The following CACNA1D variants were observed in gnomAD, a reference collection of about 807,000 sequenced individuals.
The protein encoded by CACNA1D is calcium voltage-gated channel subunit alpha1 D, also known as voltage-dependent L-type calcium channel subunit alpha-1D.
Under a neutral mutation model 257.1 loss-of-function variants are expected in CACNA1D, and 55 were observed. The ratio of observed to expected loss-of-function variants is 0.21; its 90% CI spans 0.17 to 0.27. The LOEUF (loss-of-function observed/expected upper bound fraction) is 0.27. Ranked by LOEUF, CACNA1D falls within the 10% of genes least tolerant of loss-of-function variation. The probability of loss-of-function intolerance (pLI) is 1.00; values close to 1 mark genes in which losing one functional copy is unlikely to be tolerated. For synonymous variants in CACNA1D, 980 were observed against 1,014.9 expected (o/e 0.97, Z 0.65); for missense variants, 1,876 against 2,784.0 (o/e 0.67, Z 7.34).
At chr3:53,575,023 C>T (rs1040161326) in intron 3 of CACNA1D, among the ~76,000 whole-genome samples, 8 of 152,188 alleles carry the variant, frequency 5.3e-5, no homozygotes, top group Admixed American at 4.6e-4. Context: ...TCTAAGTGTT[C>T]GAGGTCTTCT....
intron 3 of CACNA1D, among the ~76,000 whole-genome samples, chr3:53,594,863 G>T (rs2093351515): frequency 1.3e-5 from 2 of 152,226 alleles, no homozygotes; most frequent in Non-Finnish European, 2.9e-5. Flanking sequence ...GTGAAGATTT[G>T]TGATCAGAGC....
At chr3:53,766,215 T>C (rs906362684) in intron 30 of CACNA1D, 7 of 152,316 alleles carry the variant, frequency 4.6e-5, no homozygotes, top group African/African-American at 1.7e-4. Flanking sequence ...ACCAGGTGGC[T>C]GACAGTCTCA....
intron 2 of CACNA1D, among the ~76,000 whole-genome samples, chr3:53,498,748 T>C (rs1236524720): frequency 6.6e-6 from 1 of 152,196 alleles, no homozygotes; most frequent in Non-Finnish European, 1.5e-5. Context: ...TCTGTGCTAA[T>C]GGACAGGAGT....
At chr3:53,805,235 G>A (rs925659753) in intron 45 of CACNA1D, 89 bp downstream of exon 45, 3 of 1,271,336 alleles carry the variant, frequency 2.4e-6, no homozygotes, top group Admixed American at 1.7e-5. Flanking sequence ...GGTGATGGAT[G>A]TGTGCTGCCA....
At chr3:53,692,919 A>G (rs568560274) in intron 8 of CACNA1D, among the ~76,000 whole-genome samples, 4 of 152,180 alleles carry the variant, frequency 2.6e-5, no homozygotes, top group Non-Finnish European at 5.9e-5. Context: ...TTAGCTGGAC[A>G]TGGTGGCGCA....
chr3:53,523,350 C>T (rs1409184293), intron 3 of CACNA1D, among the ~76,000 whole-genome samples: 1 of 152,216 alleles, frequency 6.6e-6, no homozygotes, highest in Non-Finnish European at 1.5e-5. Context: ...AATCTCAAAA[C>T]TGCTCTATGT....
intron 19 of CACNA1D, among the ~76,000 whole-genome samples, chr3:53,733,387 T>A (rs1359627944): frequency 1.3e-5 from 2 of 152,360 alleles, no homozygotes; most frequent in East Asian, 3.9e-4. Flanking sequence ...GATGAGAATT[T>A]TTGTGACCAA....
intron 11 of CACNA1D, among the ~76,000 whole-genome samples, chr3:53,721,391 C>T (rs1025330659): frequency 2.6e-5 from 4 of 152,174 alleles, no homozygotes; most frequent in East Asian, 1.9e-4. Context: ...ACCCCATTGT[C>T]GTTAGTGAGG....
rs2095601708 is a variant in CACNA1D at position 53,811,745 on chromosome 3, C to G, written c.*339C>G. On this transcript the variant is annotated 3_prime_UTR_variant, in exon 48 of 48. Transcript: ENST00000350061. This position sits in a 1 kb window ranked among gnomAD's most constrained non-coding sequence, Gnocchi z 4.2. The stretch of plus-strand genomic sequence containing the variant: ...TCTGCTTCTCCCATGTACCAGGGCA[C>G]CAGGCCCACCCAACTGAAGGCATGG... The G allele has an allele frequency of 5.0e-6, 1 of 201,258 alleles. No individual in the cohort carries two copies. Among genetic ancestry groups the G allele is most frequent in the Non-Finnish European group, 1.0e-5 (1 of 100,008 alleles). 12.5% of individuals were successfully genotyped at this position (201,258 alleles called of 1,614,324 possible). A position where few individuals can be genotyped will look rare whatever the true frequency, so the allele number is the denominator to read the frequency against.
intron 3 of CACNA1D, among the ~76,000 whole-genome samples, chr3:53,523,443 C>G (rs139851024): frequency 6.6e-6 from 1 of 152,348 alleles, no homozygotes; most frequent in East Asian, 1.9e-4. Context: ...AGAAATGAGT[C>G]TGGGGACTAT....
chr3:53,700,133 T>G (rs984669522), intron 8 of CACNA1D, among the ~76,000 whole-genome samples: 2 of 149,712 alleles, frequency 1.3e-5, no homozygotes, highest in Admixed American at 1.3e-4. Context: ...ATGTATATAA[T>G]GTATGTAATT....
At chr3:53,588,265 CAG>C (rs2093251213) in intron 3 of CACNA1D, among the ~76,000 whole-genome samples, 1 of 152,200 alleles carries the variant, frequency 6.6e-6, no homozygotes, top group African/African-American at 2.4e-5. Flanking sequence ...ACTGGAGTCT[CAG>C]GGGCAAGCTC....
chr3:53,803,150 G>T (rs1405510021), intron 43 of CACNA1D, among the ~76,000 whole-genome samples: 1 of 152,038 alleles, frequency 6.6e-6, no homozygotes, highest in Non-Finnish European at 1.5e-5. Flanking sequence ...CTATTCCTTT[G>T]GCTCCAAGGC....
chr3:53,666,645 A>T, intron 7 of CACNA1D, 110 bp downstream of exon 7: 1 of 893,634 alleles, frequency 1.1e-6, no homozygotes, highest in South Asian at 1.3e-5. Context: ...GAAGTCAGTT[A>T]TTTGGGAAGG....
chr3:53,684,385 G>T (rs1194889330), intron 8 of CACNA1D, among the ~76,000 whole-genome samples: 1 of 152,164 alleles, frequency 6.6e-6, no homozygotes, highest in Non-Finnish European at 1.5e-5. Context: ...ACTTTGGGAG[G>T]CTGAGGCAGG....
Position 53,800,587 on chromosome 3 carries a change from C to G in CACNA1D, c.5040+222C>G, listed in dbSNP as rs1000894618. ...CTCTTTCCCTGAGCTTACCCAGCTTCCCCTCACTGCCTGCTTCTGAGGAGC... is the reference window on the plus strand; with the variant it reads ...CTCTTTCCCTGAGCTTACCCAGCTTGCCCTCACTGCCTGCTTCTGAGGAGC... On this transcript the variant is annotated intron_variant, in intron 41 of 47. Coordinates refer to ENST00000350061, the MANE Select transcript of CACNA1D (RefSeq NM_001128840.3). This position sits in a 1 kb window ranked among gnomAD's most constrained non-coding sequence, Gnocchi z 4.3. The G allele has an allele frequency of 2.8e-5, 17 of 605,016 alleles. No individual in the cohort carries two copies. Among genetic ancestry groups the G allele is most frequent in the Middle Eastern group, 3.8e-4 (1 of 2,598 alleles). 37.5% of individuals were successfully genotyped at this position (605,016 alleles called of 1,614,324 possible).
At chr3:53,597,283 A>G (rs763586498) in intron 3 of CACNA1D, among the ~76,000 whole-genome samples, 90 of 152,240 alleles carry the variant, frequency 5.9e-4, no homozygotes, top group Non-Finnish European at 9.6e-4. Context: ...ATAATTGCTA[A>G]GTGAATCATC....
chr3:53,572,594 T>C (rs2092967748), intron 3 of CACNA1D, among the ~76,000 whole-genome samples: 1 of 152,042 alleles, frequency 6.6e-6, no homozygotes, highest in Non-Finnish European at 1.5e-5. Context: ...GAGACAAGGC[T>C]TCACCGTGTT....
intron 3 of CACNA1D, among the ~76,000 whole-genome samples, chr3:53,504,280 T>C (rs2090730459): frequency 7.5e-6 from 1 of 132,600 alleles, no homozygotes; most frequent in South Asian, 2.3e-4. Flanking sequence ...ATGGGAAAGA[T>C]GCAGTTGAGC....
Sources: gnomAD v4.1 joint callset for allele counts (sites outside exome capture counted in the v4.1 genomes callset) on GRCh38, gnomAD v4.1.1 for gene constraint, Gnocchi (gnomAD v3.1) non-coding constraint, MANE v1.5 for transcripts, NCBI Gene and HGNC (gene_info 2026-07-23, HGNC 2026-07-21) for gene names.